Variants in YBEY observed in about 807,000 individuals in gnomAD.
YBEY encodes the protein endoribonuclease YbeY.
A neutral mutation model predicts 13.5 loss-of-function variants in YBEY; 15 were observed. The observed-to-expected ratio is 1.11, with a 90% CI of 0.75 to 1.72. The LOEUF is 1.72. Ranked by LOEUF, YBEY falls within the 40% of genes most tolerant of loss-of-function variation. The probability of loss-of-function intolerance (pLI) is 0.00; values close to 1 mark genes in which losing one functional copy is unlikely to be tolerated. For synonymous variants in YBEY, 101 were observed against 83.1 expected, an observed-to-expected ratio of 1.21 and a Z score of -1.17; for missense variants, 244 against 208.4, an observed-to-expected ratio of 1.17 and a Z score of -1.05.
At chr21:46,296,468 A>ACTAG (rs911843362) in intron 4 of YBEY, among the ~76,000 whole-genome samples, 5 of 152,216 alleles carry the variant, frequency 3.3e-5, no homozygotes. Context: ...CACAGCTGAC[A>ACTAG]CTAGCACGTG....
chr21:46,291,737 G>A (rs2081721354), intron 3 of YBEY: 1 of 1,178,182 alleles, frequency 8.5e-7, no homozygotes, highest in African/African-American at 1.6e-5. Flanking sequence ...AGACTATGTT[G>A]AGCTAACACA....
At chr21:46,306,591 T>G in the YBEY span, among the ~76,000 whole-genome samples, 1 of 152,192 alleles carries the variant, frequency 6.6e-6, no homozygotes, top group Non-Finnish European at 1.5e-5. Context: ...TTCCATTTAT[T>G]TATGTATTTA....
the YBEY span, among the ~76,000 whole-genome samples, chr21:46,302,998 T>C: frequency 1.3e-5 from 2 of 151,692 alleles, no homozygotes; most frequent in Non-Finnish European, 2.9e-5. Context: ...CCTGAGTCTC[T>C]ACTAAAAATA....
At chr21:46,303,310 G>T in the YBEY span, among the ~76,000 whole-genome samples, 1 of 152,050 alleles carries the variant, frequency 6.6e-6, no homozygotes, top group Non-Finnish European at 1.5e-5. Flanking sequence ...CTGCACTCTA[G>T]CCTGGGTAAC....
chr21:46,302,443 C>T, downstream of YBEY: 1 of 1,470,450 alleles, frequency 6.8e-7, no homozygotes, highest in Non-Finnish European at 9.4e-7. Flanking sequence ...CCACCCAGGC[C>T]CTGTTTCCTT....
Position 46,287,097 on chromosome 21 carries a change from G to A in YBEY, c.184G>A (p.Asp62Asn). ...CTACAGAGATAGAAATGTCCCAACC[G>A]ATGTGCTTTCTTTTCCATTTCATGA... The part of the protein sequence containing the change: ...RIYRDRNVPT[D>N]VLSFPFHEHL... Residue 62 changes from aspartate (D) to asparagine (N), a missense_variant, in exon 2 of 5, where the codon GAT (aspartate) becomes AAT (asparagine). Transcript: ENST00000397701. 2 of 1,605,986 alleles carry A rather than the reference G, an allele frequency of 1.2e-6. No homozygotes were observed. The highest frequency in any genetic ancestry group is 2.2e-5 in the South Asian group (2 of 89,846).
downstream of YBEY, chr21:46,300,613 C>T (rs939131610): frequency 8.4e-7 from 1 of 1,194,870 alleles, no homozygotes; most frequent in African/African-American, 1.6e-5. Flanking sequence ...AGTAGCTGCG[C>T]TGGGCCCTTC....
intron 2 of YBEY, among the ~76,000 whole-genome samples, chr21:46,288,552 G>T (rs2081561460): frequency 6.6e-6 from 1 of 152,128 alleles, no homozygotes. Context: ...GGTGGCATTT[G>T]CCTGTAATCC....
At chr21:46,310,759 G>A in the YBEY span, among the ~76,000 whole-genome samples, 1 of 151,918 alleles carries the variant, frequency 6.6e-6, no homozygotes, top group Non-Finnish European at 1.5e-5. Context: ...GCAATGAGCT[G>A]AGATCATGCC....
chr21:46,302,075 T>TGGC (rs1236916545), downstream of YBEY: 26 of 1,515,716 alleles, frequency 1.7e-5, no homozygotes, highest in East Asian at 6.6e-4. Context: ...CACAGCATGG[T>TGGC]GGTGGTGGTG....
At chr21:46,291,768 T>C in intron 3 of YBEY, 1 of 1,101,946 alleles carries the variant, frequency 9.1e-7, no homozygotes, top group South Asian at 2.7e-5. Context: ...ATCAGCTTCT[T>C]TCTGAGCTGC....
At chr21:46,288,876 G>A (rs2081579310) in intron 2 of YBEY, among the ~76,000 whole-genome samples, 2 of 152,000 alleles carry the variant, frequency 1.3e-5, no homozygotes, top group African/African-American at 2.4e-5. Flanking sequence ...ACAACAATTA[G>A]CCGGGCATGG....
intron 2 of YBEY, among the ~76,000 whole-genome samples, chr21:46,290,873 C>T (rs1031866693): frequency 1.3e-5 from 2 of 151,908 alleles, no homozygotes; most frequent in Non-Finnish European, 2.9e-5. Flanking sequence ...CGGAGAAACC[C>T]AGTCTCTACT....
the YBEY span, chr21:46,313,143 G>C: frequency 2.5e-6 from 2 of 793,200 alleles, no homozygotes; most frequent in African/African-American, 3.7e-5. Context: ...TCTTGAGTTG[G>C]CCATTGCAGC....
chr21:46,291,666 C>A lies in YBEY; in HGVS notation c.339+204C>A. ...CCACAGTTGAAGGAGGGAGAGAACA[C>A]GCTGTGAAAACACAGAAGCTCCCAG... On this transcript the variant is annotated intron_variant, in intron 3 of 4. Transcript: ENST00000397701. 4 of 1,351,618 alleles carry A rather than the reference C, an allele frequency of 3.0e-6. No homozygotes were observed. The African/African-American group carries it at 4.5e-5, about 15-fold the overall frequency. 83.7% of individuals were successfully genotyped at this position (1,351,618 alleles called of 1,614,324 possible). A position where few individuals can be genotyped will look rare whatever the true frequency, so the allele number is the denominator to read the frequency against.
Position 46,297,702 on chromosome 21 carries a change from G to C in YBEY, c.*68G>C. On this transcript the variant is annotated 3_prime_UTR_variant, in exon 5 of 5. Transcript: ENST00000397701. ...GCTGCGGGGAGCCGGGGTCGCACAC[G>C]AATAAATAACGAATGAACGTACGAG... The C allele has an allele frequency of 1.6e-6, 2 of 1,262,446 alleles. No homozygotes were observed. The highest frequency in any genetic ancestry group is 6.6e-5 in the South Asian group (2 of 30,376). 78.2% of individuals were successfully genotyped at this position (1,262,446 alleles called of 1,614,324 possible).
Position 46,297,532 on chromosome 21 carries a change from C to T in YBEY, c.409-7C>T. 1 of 1,379,922 alleles carries T rather than the reference C, an allele frequency of 7.2e-7. No individual in the cohort carries two copies. Among genetic ancestry groups the T allele is most frequent in the Non-Finnish European group, 9.5e-7 (1 of 1,055,630 alleles). 85.5% of individuals were successfully genotyped at this position (1,379,922 alleles called of 1,614,324 possible). ...TGGGGAGGGCCAGCGCGCTTCCTTC[C>T]TTCCAGATGTTCCAGAAGGAGAAGG... is the stretch of plus-strand genomic sequence containing the variant. On this transcript the variant is annotated splice_region_variant and splice_polypyrimidine_tract_variant and intron_variant, in intron 4 of 4. Coordinates refer to ENST00000397701, the MANE Select transcript of YBEY (RefSeq NM_001314025.2).
the YBEY span, among the ~76,000 whole-genome samples, chr21:46,307,183 G>A: frequency 7.2e-5 from 11 of 151,762 alleles, no homozygotes; most frequent in Non-Finnish European, 1.6e-4. Context: ...GGTGTGAGCC[G>A]CTGCGCCCAG....
chr21:46,311,028 T>C, the YBEY span, among the ~76,000 whole-genome samples: 36 of 151,756 alleles, frequency 2.4e-4, no homozygotes, highest in African/African-American at 8.2e-4. Context: ...TCCATCACCA[T>C]GGTGAGCTGG....
Sources: allele counts gnomAD v4.1 joint callset (sites outside exome capture counted in the v4.1 genomes callset), GRCh38; gene constraint gnomAD v4.1.1; transcripts MANE v1.5; gene names NCBI Gene and HGNC (gene_info 2026-07-23, HGNC 2026-07-21).